The following ZC3H12B variants were observed in gnomAD, a reference collection of about 807,000 sequenced individuals.
The protein encoded by ZC3H12B is zinc finger CCCH-type containing 12B.
Under a neutral mutation model 43.9 loss-of-function variants are expected in ZC3H12B, and 7 were observed. The ratio of observed to expected loss-of-function variants is 0.16; its 90% CI spans 0.09 to 0.30. ZC3H12B has a LOEUF of 0.30. ZC3H12B is among the 10% of genes least tolerant of loss of function. The probability of loss-of-function intolerance (pLI) is 1.00; values close to 1 mark genes in which losing one functional copy is unlikely to be tolerated. For missense variants in ZC3H12B, 475 were observed against 670.2 expected (o/e 0.71, Z 3.22); for synonymous variants, 222 against 241.7 (o/e 0.92, Z 0.76).
chrX:65,330,484 A>G, the ZC3H12B span, among the ~76,000 whole-genome samples: 9 of 110,975 alleles, frequency 8.1e-5, no homozygotes, highest in Non-Finnish European at 1.7e-4. Context: ...TCTTGTGCCA[A>G]TTTTCAAAGG....
chrX:65,358,110 A>G, the ZC3H12B span, among the ~76,000 whole-genome samples: 1 of 111,690 alleles, frequency 9.0e-6, no homozygotes, highest in African/African-American at 3.3e-5. Context: ...AGGGCATTAC[A>G]TAATGGTAAA....
At chrX:65,041,525 G>T in the ZC3H12B span, among the ~76,000 whole-genome samples, 1 of 112,177 alleles carries the variant, frequency 8.9e-6, no homozygotes, top group African/African-American at 3.2e-5. Flanking sequence ...CAAGAAAAAG[G>T]ATTTGAACGT....
At chrX:65,362,939 T>C (rs937829373), upstream of ZC3H12B, among the ~76,000 whole-genome samples, 2 of 110,855 alleles carry the variant, frequency 1.8e-5, no homozygotes, top group Non-Finnish European at 3.8e-5. Context: ...AACCCCTCCA[T>C]AACCCATTAT....
chrX:65,070,164 G>A, the ZC3H12B span, among the ~76,000 whole-genome samples: 1 of 109,899 alleles, frequency 9.1e-6, no homozygotes, highest in African/African-American at 3.3e-5. Context: ...TTTATTTTCA[G>A]TCTTGTGAGG....
the ZC3H12B span, among the ~76,000 whole-genome samples, chrX:65,203,246 G>T: frequency 5.4e-5 from 6 of 112,068 alleles, no homozygotes; most frequent in African/African-American, 1.9e-4. Flanking sequence ...GGTACCTAAG[G>T]CGTGAGACAA....
chrX:65,304,105 G>A, the ZC3H12B span, among the ~76,000 whole-genome samples: 1 of 112,195 alleles, frequency 8.9e-6, no homozygotes, highest in African/African-American at 3.2e-5. Context: ...ATAGTGTAAA[G>A]TTATAGGACT....
the ZC3H12B span, among the ~76,000 whole-genome samples, chrX:65,232,103 T>C: frequency 9.2e-6 from 1 of 108,873 alleles, no homozygotes; most frequent in Non-Finnish European, 1.9e-5. Context: ...TAGCCAAGCA[T>C]GGTGGCAGGT....
rs1424286965 is a variant in ZC3H12B at position 65,472,399 on chromosome X, TG to T, written n.408-16246del. 0.019 allele frequency among the ~76,000 whole-genome samples: 1,584 copies of T among 83,160 alleles called. 32 individuals carry two copies. The African/African-American group carries it at 0.27, about 14-fold the overall frequency. 72.2% of individuals were successfully genotyped at this position (83,160 alleles called of 115,157 possible). A position where few individuals can be genotyped will look rare whatever the true frequency, so the allele number is the denominator to read the frequency against. ...CAGAAGTTGTTTTTTTTGTTTTTTT[TG>T]TTTGTTTGTTTGTTTGTTTTTGTTT... On this transcript the variant is annotated intron_variant and non_coding_transcript_variant, in intron 3 of 5. Coordinates refer to the ZC3H12B transcript ENST00000617377.
the ZC3H12B span, among the ~76,000 whole-genome samples, chrX:65,314,988 G>A: frequency 3.0e-3 from 336 of 110,755 alleles, 2 homozygotes; most frequent in African/African-American, 0.01. Flanking sequence ...TCATTAAAAT[G>A]GTAGAGATAT....
chrX:65,035,046 T>G, the ZC3H12B span, among the ~76,000 whole-genome samples: 1 of 111,976 alleles, frequency 8.9e-6, no homozygotes, highest in Non-Finnish European at 1.9e-5. Flanking sequence ...TCGCCTCCCC[T>G]CGTCCCTCCA....
chrX:65,150,791 T>A, the ZC3H12B span, among the ~76,000 whole-genome samples: 1 of 111,571 alleles, frequency 9.0e-6, no homozygotes, highest in African/African-American at 3.3e-5. Context: ...TCTTTGCAGA[T>A]GAGATTTTGC....
the ZC3H12B span, among the ~76,000 whole-genome samples, chrX:65,150,541 A>C: frequency 9.2e-6 from 1 of 108,247 alleles, no homozygotes; most frequent in Non-Finnish European, 1.9e-5. Flanking sequence ...CCTTGTGTCC[A>C]TGTATTCTGA....
chrX:65,295,376 C>T, the ZC3H12B span, among the ~76,000 whole-genome samples: 1 of 111,300 alleles, frequency 9.0e-6, no homozygotes, highest in Non-Finnish European at 1.9e-5. Context: ...AGTGACACAA[C>T]TTATCAAAAC....
intron 2 of ZC3H12B, among the ~76,000 whole-genome samples, chrX:65,375,764 A>T (rs762085846): frequency 1.8e-5 from 2 of 111,510 alleles, no homozygotes; most frequent in Non-Finnish European, 3.8e-5. Context: ...GCCTAAAGAT[A>T]TATTGGCCCC....
the ZC3H12B span, among the ~76,000 whole-genome samples, chrX:65,182,271 G>A: frequency 1.8e-5 from 2 of 110,846 alleles, no homozygotes; most frequent in East Asian, 5.7e-4. Flanking sequence ...GGCAAGGGGA[G>A]GGAGAGCATT....
intron 3 of ZC3H12B, among the ~76,000 whole-genome samples, chrX:65,478,439 T>C (rs766170228): frequency 8.9e-6 from 1 of 112,435 alleles, no homozygotes; most frequent in East Asian, 2.8e-4. Flanking sequence ...AGACTGAACA[T>C]TTTAAATAAT....
At chrX:65,131,660 G>A in the ZC3H12B span, among the ~76,000 whole-genome samples, 2 of 111,650 alleles carry the variant, frequency 1.8e-5, no homozygotes, top group African/African-American at 3.3e-5. Flanking sequence ...GTGTCCAAAG[G>A]CAGAAGTCCC....
At chrX:65,043,713 C>T in the ZC3H12B span, among the ~76,000 whole-genome samples, 11 of 110,239 alleles carry the variant, frequency 1.0e-4, no homozygotes, top group African/African-American at 3.6e-4. Context: ...ACAGTGAAAC[C>T]GAAATAATAT....
At chrX:65,219,371 C>T in the ZC3H12B span, among the ~76,000 whole-genome samples, 11 of 111,119 alleles carry the variant, frequency 9.9e-5, no homozygotes, top group African/African-American at 3.0e-4. Flanking sequence ...CAAAGAGGCA[C>T]CAAAGAAAAG....
Sources: allele counts gnomAD v4.1 joint callset (sites outside exome capture counted in the v4.1 genomes callset), GRCh38; gene constraint gnomAD v4.1.1; transcripts MANE v1.5; gene names NCBI Gene and HGNC (gene_info 2026-07-23, HGNC 2026-07-21).